TINAG: variants seen among roughly 807,000 people sequenced by gnomAD.
The protein encoded by TINAG is tubulointerstitial nephritis antigen.
A neutral mutation model predicts 72.7 loss-of-function variants in TINAG; 83 were observed. The ratio of observed to expected loss-of-function variants is 1.14; its 90% CI spans 0.96 to 1.37. TINAG has a LOEUF of 1.37. Ranked by LOEUF, TINAG falls within the 40% of genes most tolerant of loss-of-function variation. The pLI is 0.00. For synonymous variants in TINAG, 234 were observed against 189.9 expected (o/e 1.23, Z -1.91); for missense variants, 685 against 576.6 (o/e 1.19, Z -1.93).
chr6:54,321,236 T>C lies in TINAG; in HGVS notation c.420-61T>C. 4 of 1,226,426 alleles carry C rather than the reference T, an allele frequency of 3.3e-6. No homozygotes were observed. The East Asian group carries it at 7.0e-5, about 21-fold the overall frequency. 76.0% of individuals were successfully genotyped at this position (1,226,426 alleles called of 1,614,324 possible). ...TGCCTTAACAATGTATAACTCTTTTTACTAATTGAAATATACTTCATAAAG... is the reference window on the plus strand; with the variant it reads ...TGCCTTAACAATGTATAACTCTTTTCACTAATTGAAATATACTTCATAAAG... On this transcript the variant is annotated intron_variant, in intron 2 of 10. Coordinates refer to ENST00000259782, the MANE Select transcript of TINAG (RefSeq NM_014464.4).
In TINAG at chr6:54,342,483, C is replaced by A. The variant is rs533637294; in HGVS notation, c.625-743C>A. Among the ~76,000 whole-genome samples, 5 of 152,018 alleles carry A rather than the reference C, an allele frequency of 3.3e-5. No homozygotes were observed. In the East Asian group the frequency reaches 9.7e-4, roughly 29 times the overall value. ...TCCCAGGTTCAAGTGATTCTCCCAC[C>A]TGAGCCTCCTGAGTAGCTGGGATTA... On this transcript the variant is annotated intron_variant, in intron 4 of 10. Transcript: ENST00000259782.
At chr6:54,355,638 C>T (rs892064498) in intron 9 of TINAG, among the ~76,000 whole-genome samples, 1 of 151,058 alleles carries the variant, frequency 6.6e-6, no homozygotes, top group African/African-American at 2.4e-5. Flanking sequence ...TATGAAAATA[C>T]ATGTATCTTA....
chr6:54,359,087 C>T (rs1434249176), intron 9 of TINAG, among the ~76,000 whole-genome samples: 2 of 151,640 alleles, frequency 1.3e-5, no homozygotes, highest in Non-Finnish European at 2.9e-5. Context: ...GAAATTATGA[C>T]CATTTGTTTG....
chr6:54,358,283 A>G (rs1171125091), intron 9 of TINAG, among the ~76,000 whole-genome samples: 5 of 151,848 alleles, frequency 3.3e-5, no homozygotes, highest in Non-Finnish European at 7.4e-5. Context: ...ACTTTTTAAC[A>G]CAGTGTATAA....
At chr6:54,344,304 C>T (rs916363025) in intron 5 of TINAG, among the ~76,000 whole-genome samples, 3 of 152,096 alleles carry the variant, frequency 2.0e-5, no homozygotes, top group Non-Finnish European at 4.4e-5. Context: ...CCAGAAATGC[C>T]TTTGTTAAAA....
At chr6:54,308,179 GT>G (rs201864937), upstream of TINAG, 28,711 of 1,486,174 alleles carry the variant, frequency 0.019, 365 homozygotes, top group Non-Finnish European at 0.022. Context: ...TCTGGGCCAT[GT>G]ATATTCTAAG....
chr6:54,353,531 A>C (rs1785317929), intron 8 of TINAG, among the ~76,000 whole-genome samples: 4 of 151,886 alleles, frequency 2.6e-5, no homozygotes, highest in African/African-American at 9.7e-5. Flanking sequence ...CGTAAAGTAC[A>C]GTTACATAAA....
At chr6:54,377,499 G>A (rs571596078) in intron 9 of TINAG, among the ~76,000 whole-genome samples, 22 of 151,362 alleles carry the variant, frequency 1.5e-4, no homozygotes, top group Non-Finnish European at 2.7e-4. Context: ...GCAACAGGGT[G>A]AGACTCGGTC....
In TINAG at chr6:54,334,105, G is replaced by A. The variant is rs758710450; in HGVS notation, c.624+7189G>A. 1.2e-3 allele frequency among the ~76,000 whole-genome samples: 180 copies of A among 152,146 alleles called. 2 individuals are homozygous for A. Among genetic ancestry groups the A allele is most frequent in the Non-Finnish European group, 3.5e-4 (24 of 68,030 alleles). ...CTACCTCTCTTGTTATTACAAACCT[G>A]TTACTCACAAATCTGCCGTGTTACC... On this transcript the variant is annotated intron_variant, in intron 4 of 10. Coordinates refer to ENST00000259782, the MANE Select transcript of TINAG (RefSeq NM_014464.4).
At chr6:54,353,228 T>C (rs896222408) in intron 8 of TINAG, among the ~76,000 whole-genome samples, 2 of 151,876 alleles carry the variant, frequency 1.3e-5, no homozygotes, top group African/African-American at 4.8e-5. Context: ...TTATTTATGA[T>C]GCTTACAGGA....
chr6:54,355,019 G>A (rs951126154), intron 9 of TINAG, among the ~76,000 whole-genome samples: 2 of 151,920 alleles, frequency 1.3e-5, no homozygotes, highest in South Asian at 2.1e-4. Flanking sequence ...TAAGCAGGAA[G>A]AGAAGGTCAC....
intron 4 of TINAG, among the ~76,000 whole-genome samples, chr6:54,331,322 T>C (rs1009304301): frequency 1.4e-4 from 22 of 152,212 alleles, no homozygotes; most frequent in African/African-American, 5.1e-4. Context: ...TCTATAAATG[T>C]AATCCATCAC....
rs1373408868 is a variant in TINAG at position 54,390,038 on chromosome 6, TAATC to T, written c.*114_*117del. The T allele has an allele frequency of 7.1e-7, 1 of 1,402,606 alleles. No individual in the cohort carries two copies. The highest frequency in any genetic ancestry group is 9.7e-7 in the Non-Finnish European group (1 of 1,031,288). 86.9% of individuals were successfully genotyped at this position (1,402,606 alleles called of 1,614,324 possible). The stretch of plus-strand genomic sequence containing the variant: ...TCTTTGTCTCTTCACCGTGTTAACA[TAATC>T]TATCTATTTTCTTATTTTCCCCTCT... On this transcript the variant is annotated 3_prime_UTR_variant, in exon 11 of 11. Coordinates refer to ENST00000259782, the MANE Select transcript of TINAG (RefSeq NM_014464.4).
intron 4 of TINAG, among the ~76,000 whole-genome samples, chr6:54,335,709 T>G (rs1475119865): frequency 6.6e-6 from 1 of 152,176 alleles, no homozygotes; most frequent in Non-Finnish European, 1.5e-5. Context: ...ATATGTGATA[T>G]CAAACTGCCT....
chr6:54,324,678 G>C lies in TINAG; in HGVS notation c.510-2124G>C, dbSNP rs529396857. On this transcript the variant is annotated intron_variant, in intron 3 of 10. Coordinates refer to ENST00000259782, the MANE Select transcript of TINAG (RefSeq NM_014464.4). The stretch of plus-strand genomic sequence containing the variant: ...TAGTCACTGGCATCTTGCTCTATCT[G>C]CTCAACTTGAAAATTTGATGTTAGT... Among the ~76,000 whole-genome samples the C allele has an allele frequency of 1.7e-4, 26 of 152,232 alleles. No homozygotes were observed. The South Asian group carries it at 5.0e-3, about 29-fold the overall frequency.
At chr6:54,383,070 G>T (rs1241669601) in intron 10 of TINAG, among the ~76,000 whole-genome samples, 1 of 152,090 alleles carries the variant, frequency 6.6e-6, no homozygotes. Context: ...TTAGGACCTT[G>T]TCTCTGCTCT....
Position 54,339,241 on chromosome 6 carries a change from T to C in TINAG, c.625-3985T>C, listed in dbSNP as rs562333561. On this transcript the variant is annotated intron_variant, in intron 4 of 10. Coordinates refer to ENST00000259782, the MANE Select transcript of TINAG (RefSeq NM_014464.4). ...TGCTTAAATAAGATAGAAACTGATT[T>C]CTCACCAGTAAATCTGGAAGTGGGT... Among the ~76,000 whole-genome samples, 55 of 152,328 alleles carry C rather than the reference T, an allele frequency of 3.6e-4. No homozygotes were observed. The South Asian group carries it at 0.011, about 31-fold the overall frequency.
rs201986998 is a variant in TINAG, at chr6:54,381,685, T to G, written c.1296+1114T>G. 1.1e-4 allele frequency among the ~76,000 whole-genome samples: 17 copies of G among 152,252 alleles called. No individual in the cohort carries two copies. In the East Asian group the frequency reaches 3.3e-3, roughly 29 times the overall value. On this transcript the variant is annotated intron_variant, in intron 10 of 10. Transcript: ENST00000259782. Reference sequence around the variant, plus strand: ...AATAATTAGTAGCCAACAATCAACATTAATGTCCAATAGTTAAAATAAATA... The same window carrying G: ...AATAATTAGTAGCCAACAATCAACAGTAATGTCCAATAGTTAAAATAAATA...
chr6:54,339,697 T>C (rs867009182), intron 4 of TINAG, among the ~76,000 whole-genome samples: 4 of 152,196 alleles, frequency 2.6e-5, no homozygotes, highest in Non-Finnish European at 2.9e-5. Flanking sequence ...CAAATATTGT[T>C]GAAGATGAGA....
Sources: allele counts gnomAD v4.1 joint callset (sites outside exome capture counted in the v4.1 genomes callset), GRCh38; gene constraint gnomAD v4.1.1; transcripts MANE v1.5; gene names NCBI Gene and HGNC (gene_info 2026-07-23, HGNC 2026-07-21).